Variants in DCAF6 observed in about 807,000 individuals in gnomAD.
DCAF6 encodes the protein DDB1 and CUL4 associated factor 6.
Under a neutral mutation model 125.1 loss-of-function variants are expected in DCAF6, and 54 were observed. The observed-to-expected ratio is 0.43, with a 90% CI of 0.35 to 0.54. DCAF6 has a LOEUF of 0.54. DCAF6 is among the 20% of genes least tolerant of loss of function. The pLI is 0.01. For missense variants in DCAF6, 934 were observed against 1,161.7 expected, an observed-to-expected ratio of 0.80 and a Z score of 2.85; for synonymous variants, 371 against 390.4, an observed-to-expected ratio of 0.95 and a Z score of 0.58.
At chr1:167,904,419 T>C in the DCAF6 span, among the ~76,000 whole-genome samples, 1 of 152,118 alleles carries the variant, frequency 6.6e-6, no homozygotes, top group Non-Finnish European at 1.5e-5. Flanking sequence ...GAGTTTCTTC[T>C]TAAGGATCTT....
chr1:167,896,597 T>C, the DCAF6 span: 6 of 1,609,486 alleles, frequency 3.7e-6, no homozygotes, highest in East Asian at 6.7e-5. Flanking sequence ...GTACTTACTT[T>C]TGTGCTCACC....
chr1:168,047,707 T>A (rs186101900), intron 16 of DCAF6, among the ~76,000 whole-genome samples: 1 of 152,066 alleles, frequency 6.6e-6, no homozygotes, highest in Admixed American at 6.5e-5. Context: ...TATATATGTG[T>A]GTGTGTGTAT....
intron 17 of DCAF6, among the ~76,000 whole-genome samples, chr1:168,060,913 A>T (rs1305272793): frequency 3.3e-5 from 5 of 152,080 alleles, no homozygotes; most frequent in African/African-American, 4.8e-5. Flanking sequence ...TTGTTGCATA[A>T]TTTTTTTCTC....
intron 17 of DCAF6, chr1:168,056,454 G>T (rs1247983759): frequency 5.1e-5 from 60 of 1,173,552 alleles, no homozygotes; most frequent in Admixed American, 6.9e-5. Flanking sequence ...GCAGCGCTAC[G>T]CCTCGGCCAC....
Position 168,045,209 on chromosome 1 carries a change from G to T in DCAF6, c.2240G>T (p.Arg747Leu). 1 of 1,607,852 alleles carries T rather than the reference G, an allele frequency of 6.2e-7. No individual in the cohort carries two copies. The highest frequency in any genetic ancestry group is 1.1e-5 in the South Asian group (1 of 89,916). ...DPVLIPGARYRAGPGDRFNIR... is the reference protein window; with the variant it reads ...DPVLIPGARYLAGPGDRFNIR... ...GTCCTGATCCCAGGTGCAAGGTATCGAGCAGGACCTGGTGATAGGTTGGTA... is the reference window on the plus strand; with the variant it reads ...GTCCTGATCCCAGGTGCAAGGTATCTAGCAGGACCTGGTGATAGGTTGGTA... Residue 747 changes from arginine to leucine, a missense_variant, in exon 16 of 22, where the codon CGA (arginine) becomes CTA (leucine). Coordinates refer to ENST00000367840, the MANE Select transcript of DCAF6 (RefSeq NM_001198956.2).
At chr1:167,927,742 A>G in the DCAF6 span, among the ~76,000 whole-genome samples, 1 of 152,224 alleles carries the variant, frequency 6.6e-6, no homozygotes, top group East Asian at 1.9e-4. Context: ...GCCTAGAGCT[A>G]GGTAATAGTT....
At chr1:168,065,908 C>T (rs1692269042) in intron 19 of DCAF6, among the ~76,000 whole-genome samples, 162 bp downstream of exon 19, 1 of 152,146 alleles carries the variant, frequency 6.6e-6, no homozygotes. Context: ...TCAAACACAC[C>T]TGTAATCTGC....
intron 12 of DCAF6, among the ~76,000 whole-genome samples, chr1:168,030,635 A>T (rs1572014136): frequency 1.3e-5 from 2 of 152,196 alleles, no homozygotes; most frequent in Non-Finnish European, 2.9e-5. Context: ...AATAAACAGG[A>T]CTTGGTGGTA....
the DCAF6 span, chr1:167,904,082 CTTTT>C: frequency 7.4e-3 from 2,652 of 358,518 alleles, no homozygotes; most frequent in East Asian, 9.3e-3. Flanking sequence ...CGGGCCTCAG[CTTTT>C]TTTTTTTTTT....
At chr1:168,016,589 T>G (rs1685006754) in intron 11 of DCAF6, among the ~76,000 whole-genome samples, 1 of 152,154 alleles carries the variant, frequency 6.6e-6, no homozygotes, top group African/African-American at 2.4e-5. Context: ...TGTCACTCTT[T>G]TTTTCTCAAT....
In DCAF6 at chr1:168,065,587, TAGA is replaced by T; in HGVS notation, c.2440-2_2440del. On this transcript the variant is annotated splice_acceptor_variant and coding_sequence_variant, in exon 19 of 22. Coordinates refer to ENST00000367840, the MANE Select transcript of DCAF6 (RefSeq NM_001198956.2). LOFTEE classifies it high-confidence loss of function. ...TTTTTAAATAATTTTTTTTAACCCT[TAGA>T]TAAAAGAAGCCAATTTCTGGGGTGC... The T allele has an allele frequency of 6.4e-7, 1 of 1,571,718 alleles. No homozygotes were observed. The highest frequency in any genetic ancestry group is 8.6e-7 in the Non-Finnish European group (1 of 1,156,516).
the DCAF6 span, chr1:167,870,131 G>A: frequency 1.3e-5 from 14 of 1,076,502 alleles, no homozygotes; most frequent in South Asian, 1.8e-4. Flanking sequence ...TAGCACAAGG[G>A]TCATGGCATC....
intron 4 of DCAF6, among the ~76,000 whole-genome samples, chr1:167,980,435 A>G (rs974500731): frequency 1.3e-5 from 2 of 151,268 alleles, no homozygotes; most frequent in African/African-American, 4.9e-5. Flanking sequence ...TTACATGCCT[A>G]CCAGCTGTGT....
chr1:168,042,920 C>T (rs1688722264), intron 13 of DCAF6, 105 bp from the exon 14 acceptor site: 2 of 659,550 alleles, frequency 3.0e-6, no homozygotes, highest in Non-Finnish European at 5.2e-6. Context: ...CTACATTTTA[C>T]TTGTGAATTT....
intron 16 of DCAF6, among the ~76,000 whole-genome samples, chr1:168,049,142 A>C (rs1343829633): frequency 6.6e-6 from 1 of 152,248 alleles, no homozygotes; most frequent in African/African-American, 2.4e-5. Flanking sequence ...AAATAAAATT[A>C]GTCCTAATGT....
the DCAF6 span, among the ~76,000 whole-genome samples, chr1:167,864,715 A>G: frequency 6.6e-6 from 1 of 152,326 alleles, no homozygotes; most frequent in African/African-American, 2.4e-5. Flanking sequence ...TTTAAAACCT[A>G]AAATTGATAA....
At chr1:167,970,431 C>T (rs746637606) in intron 3 of DCAF6, among the ~76,000 whole-genome samples, 9 of 152,178 alleles carry the variant, frequency 5.9e-5, no homozygotes, top group East Asian at 3.9e-4. Flanking sequence ...GTGGGAAGAT[C>T]GCTTGAGGCC....
At chr1:167,880,125 G>A in the DCAF6 span, 42 of 1,612,144 alleles carry the variant, frequency 2.6e-5, no homozygotes, top group East Asian at 7.8e-4. Context: ...CTGTGTACTC[G>A]TGTCTCACAG....
rs112900094 is a variant in DCAF6 at position 167,948,777 on chromosome 1, G to A, written c.98-3023G>A. Among the ~76,000 whole-genome samples the A allele has an allele frequency of 3.0e-3, 451 of 152,092 alleles. 1 individual carries two copies. The highest frequency in any genetic ancestry group is 0.01 in the African/African-American group (424 of 41,488). ...AGCGATTCTCCTACCTCAGCCTCCCGAGTAGCTGGGACTACAGGTGCCCAT... is the reference window on the plus strand; with the variant it reads ...AGCGATTCTCCTACCTCAGCCTCCCAAGTAGCTGGGACTACAGGTGCCCAT... On this transcript the variant is annotated intron_variant, in intron 1 of 21. Transcript: ENST00000367840.
Sources: gnomAD v4.1 joint callset for allele counts (sites outside exome capture counted in the v4.1 genomes callset) on GRCh38, gnomAD v4.1.1 for gene constraint, MANE v1.5 for transcripts, NCBI Gene and HGNC (gene_info 2026-07-23, HGNC 2026-07-21) for gene names.